The following MCPH1 variants were observed in gnomAD, a reference collection of about 807,000 sequenced individuals.
The protein encoded by MCPH1 is microcephalin.
Under a neutral mutation model 84.5 loss-of-function variants are expected in MCPH1, and 104 were observed. That is an observed-to-expected ratio of 1.23 (90% CI 1.05 to 1.45). MCPH1 has a LOEUF of 1.45. Ranked by LOEUF, MCPH1 falls within the 40% of genes most tolerant of loss-of-function variation. The pLI, the probability that MCPH1 is intolerant of heterozygous loss-of-function variation, is 0.00. For missense variants in MCPH1, 1,498 were observed against 1,005.7 expected, an observed-to-expected ratio of 1.49 and a Z score of -6.62; for synonymous variants, 514 against 366.8, an observed-to-expected ratio of 1.40 and a Z score of -4.58.
intron 12 of MCPH1, among the ~76,000 whole-genome samples, chr8:6,588,188 C>G (rs1828146591): frequency 6.6e-6 from 1 of 152,140 alleles, no homozygotes; most frequent in Non-Finnish European, 1.5e-5. Context: ...CACTGTGCCT[C>G]CTGTCCCCTC....
chr8:6,532,443 C>A, intron 12 of MCPH1: 1 of 1,613,962 alleles, frequency 6.2e-7, no homozygotes, highest in South Asian at 1.1e-5. Context: ...TCTGCTGTAT[C>A]TCTACCATTT....
chr8:6,480,478 A>G lies in MCPH1; in HGVS notation c.1974-236A>G, dbSNP rs13248420. On this transcript the variant is annotated intron_variant, in intron 10 of 13. Transcript: ENST00000344683. Reference sequence around the variant, plus strand: ...CCCAGCCCAGCCACTGTGGGAAGCCATTGACAGCCTGTGGGCTTGTCTTCT... The same window carrying G: ...CCCAGCCCAGCCACTGTGGGAAGCCGTTGACAGCCTGTGGGCTTGTCTTCT... Among the ~76,000 whole-genome samples, 22,334 of 152,240 alleles carry G rather than the reference A, an allele frequency of 0.15. 1,785 individuals are homozygous for G. Among genetic ancestry groups the G allele is most frequent in the Middle Eastern group, 0.26 (77 of 294 alleles).
At chr8:6,476,990 A>G (rs1808547285) in intron 9 of MCPH1, among the ~76,000 whole-genome samples, 2 of 152,298 alleles carry the variant, frequency 1.3e-5, no homozygotes, top group Admixed American at 6.5e-5. Context: ...ATATATTTCT[A>G]TAGCATTTAA....
At chr8:6,492,731 ATAAATAT>A (rs1381365475) in intron 11 of MCPH1, among the ~76,000 whole-genome samples, 148 of 85,628 alleles carry the variant, frequency 1.7e-3, no homozygotes, top group Non-Finnish European at 3.9e-3. Context: ...AAATTATCAA[ATAAATAT>A]TAATAATAAT....
rs754376730 is a variant in MCPH1 at position 6,444,241 on chromosome 8, C to G, written c.671-152C>G. 76 of 852,402 alleles carry G rather than the reference C, an allele frequency of 8.9e-5. No individual in the cohort carries two copies. The Middle Eastern group carries it at 2.0e-3, about 23-fold the overall frequency. 52.8% of individuals were successfully genotyped at this position (852,402 alleles called of 1,614,324 possible). A position where few individuals can be genotyped will look rare whatever the true frequency, so the allele number is the denominator to read the frequency against. On this transcript the variant is annotated intron_variant, in intron 7 of 13. Transcript: ENST00000344683. ...TTAAAAATACTGGCCTAAAATGTAC[C>G]CTTAAGTGGAAATGAGAAGAACTCA...
chr8:6,592,623 G>GTTTTTTT (rs573651366), intron 12 of MCPH1, among the ~76,000 whole-genome samples: 12 of 77,584 alleles, frequency 1.5e-4, no homozygotes, highest in African/African-American at 3.7e-4. Flanking sequence ...TCTTTTTTTT[G>GTTTTTTT]TTTTTTTTTT....
At chr8:6,425,781 G>A (rs773532389) in intron 3 of MCPH1, among the ~76,000 whole-genome samples, 13 of 152,212 alleles carry the variant, frequency 8.5e-5, no homozygotes, top group Non-Finnish European at 1.5e-4. Flanking sequence ...GCAATAGGAG[G>A]CAATGGTAGT....
intron 12 of MCPH1, among the ~76,000 whole-genome samples, chr8:6,592,614 C>CTTTTTTTTTTTTTTTTTTTTTTTTTTT (rs1252024553): frequency 8.2e-4 from 54 of 65,498 alleles, no homozygotes; most frequent in East Asian, 2.1e-3. Context: ...GTTTTTCTTT[C>CTTTTTTTTTTTTTTTTTTTTTTTTTTT]TTTTTTTTGT....
chr8:6,526,475 G>C lies in MCPH1; in HGVS notation c.2214+26546G>C, dbSNP rs565503324. Reference sequence around the variant, plus strand: ...AAAAGAAAATGAAATTAGCAGGATTGTTATATCTCAATGATTGGTCTCAAA... The same window carrying C: ...AAAAGAAAATGAAATTAGCAGGATTCTTATATCTCAATGATTGGTCTCAAA... On this transcript the variant is annotated intron_variant, in intron 12 of 13. Transcript: ENST00000344683. Among the ~76,000 whole-genome samples the C allele has an allele frequency of 2.0e-5, 3 of 151,964 alleles. No individual in the cohort carries two copies. In the East Asian group the frequency reaches 5.8e-4, roughly 29 times the overall value.
intron 12 of MCPH1, among the ~76,000 whole-genome samples, chr8:6,510,057 T>C (rs927162642): frequency 6.6e-6 from 1 of 152,162 alleles, no homozygotes; most frequent in South Asian, 2.1e-4. Flanking sequence ...GTTGAACCAT[T>C]GTAAGCTGAA....
chr8:6,497,766 G>C (rs1263897664), intron 11 of MCPH1, among the ~76,000 whole-genome samples: 1 of 152,156 alleles, frequency 6.6e-6, no homozygotes, highest in Admixed American at 6.5e-5. Flanking sequence ...TGAAGCTAAA[G>C]TGGCTTTAAA....
rs1563306885 is a variant in MCPH1, at chr8:6,505,413, TTATA to T, written c.2214+5487_2214+5490del. 2.5e-5 allele frequency among the ~76,000 whole-genome samples: 2 copies of T among 81,320 alleles called. 1 individual carries two copies. The highest frequency in any genetic ancestry group is 5.0e-5 in the Non-Finnish European group (2 of 40,166). 53.3% of individuals were successfully genotyped at this position (81,320 alleles called of 152,430 possible). ...TATGTATATAGAATATATATATTCT[TTATA>T]TACATAAAGAATATATATATTCTTT... is the stretch of plus-strand genomic sequence containing the variant. On this transcript the variant is annotated intron_variant, in intron 12 of 13. Transcript: ENST00000344683.
chr8:6,459,754 G>A (rs1806074343), intron 9 of MCPH1, among the ~76,000 whole-genome samples: 1 of 152,206 alleles, frequency 6.6e-6, no homozygotes. Flanking sequence ...ATCTGAAGTA[G>A]CACTTGCAGG....
At chr8:6,540,708 A>C (rs1304798634) in intron 12 of MCPH1, among the ~76,000 whole-genome samples, 1 of 152,262 alleles carries the variant, frequency 6.6e-6, no homozygotes, top group Non-Finnish European at 1.5e-5. Context: ...AGATTCTCAC[A>C]CTGCCTTAGC....
chr8:6,499,760 C>T (rs953416020), intron 11 of MCPH1, 92 bp from the exon 12 acceptor site: 10 of 1,068,090 alleles, frequency 9.4e-6, no homozygotes, highest in Middle Eastern at 5.9e-4. Context: ...CGGAGTGTAT[C>T]ACTTTTTGCT....
intron 8 of MCPH1, among the ~76,000 whole-genome samples, chr8:6,447,972 T>G (rs1466562002): frequency 6.6e-6 from 1 of 152,218 alleles, no homozygotes; most frequent in African/African-American, 2.4e-5. Context: ...CTAAGAAGAC[T>G]AGAATTTCCA....
intron 12 of MCPH1, among the ~76,000 whole-genome samples, chr8:6,591,491 G>A (rs541985359): frequency 6.6e-6 from 1 of 152,294 alleles, no homozygotes; most frequent in Admixed American, 6.5e-5. Flanking sequence ...AATGGTCAGT[G>A]GAACATAGGC....
chr8:6,462,024 G>A (rs1314796144), intron 9 of MCPH1, among the ~76,000 whole-genome samples: 2 of 152,168 alleles, frequency 1.3e-5, no homozygotes, highest in Admixed American at 6.5e-5. Flanking sequence ...TCATTTTGGA[G>A]CCATCTCTGC....
At position 6,436,031 on chromosome 8, in the gene MCPH1, G is replaced by C. The variant is rs147245957; in HGVS notation, c.322-17G>C. Reference sequence around the variant, plus strand: ...CAGTTGCAGTACAGCATTAATTTTTGTGTTCTTTTTGCACAGCGTAAATGT... The same window carrying C: ...CAGTTGCAGTACAGCATTAATTTTTCTGTTCTTTTTGCACAGCGTAAATGT... On this transcript the variant is annotated splice_polypyrimidine_tract_variant and intron_variant, in intron 4 of 13. Coordinates refer to ENST00000344683, the MANE Select transcript of MCPH1 (RefSeq NM_024596.5). 61 of 1,612,256 alleles carry C rather than the reference G, an allele frequency of 3.8e-5. No homozygotes were observed. In the Admixed American group the frequency reaches 9.8e-4, roughly 26 times the overall value.
Sources: gnomAD v4.1 joint callset for allele counts (sites outside exome capture counted in the v4.1 genomes callset) on GRCh38, gnomAD v4.1.1 for gene constraint, MANE v1.5 for transcripts, NCBI Gene and HGNC (gene_info 2026-07-23, HGNC 2026-07-21) for gene names.